Variants in MKLN1 observed in about 807,000 individuals in gnomAD.
The protein encoded by MKLN1 is muskelin.
In MKLN1, 18 loss-of-function variants were observed where a neutral mutation model predicts 99.0. The ratio of observed to expected loss-of-function variants is 0.18; its 90% CI spans 0.13 to 0.27. MKLN1 has a LOEUF of 0.27. MKLN1 is among the 10% of genes least tolerant of loss of function. The pLI, the probability that MKLN1 is intolerant of heterozygous loss-of-function variation, is 1.00. For missense variants in MKLN1, 621 were observed against 875.9 expected (o/e 0.71, Z 3.67); for synonymous variants, 288 against 293.2 (o/e 0.98, Z 0.18).
chr7:131,175,416 A>G (rs970339111), intron 2 of MKLN1, among the ~76,000 whole-genome samples: 2 of 152,232 alleles, frequency 1.3e-5, no homozygotes, highest in Non-Finnish European at 2.9e-5. Flanking sequence ...TAGAAAGATG[A>G]CAGCCAATTT....
At chr7:131,261,327 G>C (rs768946188) in intron 3 of MKLN1, among the ~76,000 whole-genome samples, 2 of 152,154 alleles carry the variant, frequency 1.3e-5, no homozygotes, top group African/African-American at 2.4e-5. Flanking sequence ...ATAAAAAAGT[G>C]GGCAAAGGAA....
chr7:131,268,520 T>C (rs572243386), intron 3 of MKLN1, among the ~76,000 whole-genome samples: 1 of 152,320 alleles, frequency 6.6e-6, no homozygotes, highest in East Asian at 1.9e-4. Flanking sequence ...TATGCAGTAA[T>C]TCAAGCATAT....
At chr7:131,389,417 G>A (rs1449634514) in intron 4 of MKLN1, among the ~76,000 whole-genome samples, 3 of 151,858 alleles carry the variant, frequency 2.0e-5, no homozygotes, top group South Asian at 2.1e-4. Context: ...CCTTAAGGCA[G>A]TATATTATGG....
intron 2 of MKLN1, among the ~76,000 whole-genome samples, chr7:131,174,998 G>GATAGATAC (rs1554532162): frequency 5.9e-5 from 9 of 151,268 alleles, no homozygotes; most frequent in Non-Finnish European, 1.0e-4. Context: ...TAGATAGATA[G>GATAGATAC]ATAGATAGAT....
At chr7:131,245,511 G>A (rs1298802593) in intron 3 of MKLN1, among the ~76,000 whole-genome samples, 1 of 152,004 alleles carries the variant, frequency 6.6e-6, no homozygotes, top group East Asian at 1.9e-4. Flanking sequence ...CAGGTGATCC[G>A]CGCCCCCCGC....
At chr7:131,257,212 A>T (rs1045711594) in intron 3 of MKLN1, among the ~76,000 whole-genome samples, 6 of 152,216 alleles carry the variant, frequency 3.9e-5, no homozygotes, top group African/African-American at 1.4e-4. Context: ...GGATATACTT[A>T]TTCTAGATTA....
chr7:131,168,557 C>CT (rs1427683488), intron 2 of MKLN1, among the ~76,000 whole-genome samples: 1 of 152,266 alleles, frequency 6.6e-6, no homozygotes, highest in South Asian at 2.1e-4. Context: ...TTGCTGTTCT[C>CT]TGTAGCGCTT....
intron 1 of MKLN1, among the ~76,000 whole-genome samples, chr7:131,123,022 C>CAAAAAAAAAAA: frequency 1.7e-5 from 1 of 60,396 alleles, no homozygotes; most frequent in Admixed American, 2.9e-4. Context: ...GACTCCGTCT[C>CAAAAAAAAAAA]AAAAAAAAAA....
At chr7:131,340,955 A>C (rs1192313273) in intron 1 of MKLN1, among the ~76,000 whole-genome samples, 1 of 152,080 alleles carries the variant, frequency 6.6e-6, no homozygotes, top group Non-Finnish European at 1.5e-5. Flanking sequence ...TTTTATTTAA[A>C]TCTTTGAGTT....
At chr7:131,132,768 A>C (rs558494894) in intron 1 of MKLN1, among the ~76,000 whole-genome samples, 38 of 151,856 alleles carry the variant, frequency 2.5e-4, no homozygotes, top group South Asian at 2.5e-3. Flanking sequence ...CTCTACCAAA[A>C]ATACAAAAAT....
At chr7:131,308,461 CA>C (rs1798502819) in intron 3 of MKLN1, among the ~76,000 whole-genome samples, 3 of 152,002 alleles carry the variant, frequency 2.0e-5, no homozygotes, top group Non-Finnish European at 4.4e-5. Context: ...AGGGTTTCAC[CA>C]TGTTGGTCAG....
chr7:131,166,553 T>A (rs1179889947), intron 2 of MKLN1, among the ~76,000 whole-genome samples: 1 of 152,220 alleles, frequency 6.6e-6, no homozygotes, highest in Non-Finnish European at 1.5e-5. Flanking sequence ...CTGGCCTTCT[T>A]GCTGTTCCCC....
chr7:131,293,204 C>A (rs935027859), intron 3 of MKLN1, among the ~76,000 whole-genome samples: 1 of 152,130 alleles, frequency 6.6e-6, no homozygotes, highest in African/African-American at 2.4e-5. Context: ...TGGAACTGAG[C>A]CCAGCCATCC....
At chr7:131,341,262 C>A (rs1799400225) in intron 1 of MKLN1, among the ~76,000 whole-genome samples, 1 of 151,810 alleles carries the variant, frequency 6.6e-6, no homozygotes, top group Admixed American at 6.6e-5. Context: ...ATTTTTTGTA[C>A]ATTCACAGAT....
intron 3 of MKLN1, among the ~76,000 whole-genome samples, chr7:131,254,109 CAGAGAG>C (rs1563268449): frequency 6.6e-6 from 1 of 152,170 alleles, no homozygotes; most frequent in Non-Finnish European, 1.5e-5. Context: ...GAGAACGTAA[CAGAGAG>C]AGAGCAGGGA....
At chr7:131,185,392 A>G (rs1239657661) in intron 2 of MKLN1, among the ~76,000 whole-genome samples, 1 of 150,498 alleles carries the variant, frequency 6.6e-6, no homozygotes, top group Non-Finnish European at 1.5e-5. Flanking sequence ...AGCCTGACCA[A>G]CATGGTGAAA....
At chr7:131,317,355 A>T (rs1334778290) in intron 3 of MKLN1, among the ~76,000 whole-genome samples, 1 of 152,198 alleles carries the variant, frequency 6.6e-6, no homozygotes, top group African/African-American at 2.4e-5. Flanking sequence ...CAACCAAACT[A>T]AGCTTCTTAA....
upstream of MKLN1, among the ~76,000 whole-genome samples, chr7:131,322,990 T>C (rs1194044362): frequency 6.6e-6 from 1 of 152,090 alleles, no homozygotes; most frequent in Non-Finnish European, 1.5e-5. Flanking sequence ...CCCCGACACG[T>C]GGGGATTACA....
chr7:131,135,487 G>A (rs899725265), intron 1 of MKLN1, among the ~76,000 whole-genome samples: 1 of 152,180 alleles, frequency 6.6e-6, no homozygotes, highest in Non-Finnish European at 1.5e-5. Context: ...TTAAGGCAAT[G>A]GACTGGATTG....
Sources: allele counts gnomAD v4.1 joint callset (sites outside exome capture counted in the v4.1 genomes callset), GRCh38; gene constraint gnomAD v4.1.1; transcripts MANE v1.5; gene names NCBI Gene and HGNC (gene_info 2026-07-23, HGNC 2026-07-21).